The following IDO2 variants were observed in gnomAD, a reference collection of about 807,000 sequenced individuals.
IDO2 encodes indoleamine 2,3-dioxygenase-like 1 protein.
Under a neutral mutation model 45.1 loss-of-function variants are expected in IDO2, and 46 were observed. That is an observed-to-expected ratio of 1.02 (90% CI 0.80 to 1.30). The LOEUF is 1.30. IDO2 is among the 50% of genes most tolerant of loss of function. The pLI is 0.00. For missense variants in IDO2, 544 were observed against 491.8 expected, an observed-to-expected ratio of 1.11 and a Z score of -1.00; for synonymous variants, 218 against 184.9, an observed-to-expected ratio of 1.18 and a Z score of -1.45.
chr8:39,955,493 T>G (rs2129593568), intron 2 of IDO2, among the ~76,000 whole-genome samples: 1 of 152,078 alleles, frequency 6.6e-6, no homozygotes, highest in Admixed American at 6.6e-5. Flanking sequence ...TGACCTCAGG[T>G]GATCCACCTG....
intron 1 of IDO2, among the ~76,000 whole-genome samples, chr8:39,941,466 T>G (rs1807642140): frequency 6.6e-6 from 1 of 152,162 alleles, no homozygotes; most frequent in Non-Finnish European, 1.5e-5. Flanking sequence ...ATTTTGGACA[T>G]AATGCCAGGC....
At chr8:39,946,731 T>C (rs1396695014) in intron 1 of IDO2, among the ~76,000 whole-genome samples, 1 of 152,206 alleles carries the variant, frequency 6.6e-6, no homozygotes, top group African/African-American at 2.4e-5. Flanking sequence ...CTTTCTCTAT[T>C]GCAAATCCCC....
At position 40,005,301 on chromosome 8, in the gene IDO2, A is replaced by G. The variant is rs114717976; in HGVS notation, c.668-26A>G. The G allele has an allele frequency of 5.0e-5, 77 of 1,545,780 alleles. No homozygotes were observed. In the African/African-American group the frequency reaches 9.3e-4, roughly 19 times the overall value. On this transcript the variant is annotated intron_variant, in intron 8 of 10. Transcript: ENST00000502986. Reference sequence around the variant, plus strand: ...CAATTGCTTTCTTTGCCTGTAGTAAAGTTCACATTTTGATTGCTTCTCCAG... The same window carrying G: ...CAATTGCTTTCTTTGCCTGTAGTAAGGTTCACATTTTGATTGCTTCTCCAG...
rs1327192993 is a variant in IDO2 at position 39,963,727 on chromosome 8, T to C, written c.195+24T>C. The C allele has an allele frequency of 2.2e-6, 3 of 1,375,736 alleles. No individual in the cohort carries two copies. The Admixed American group carries it at 5.6e-5, about 26-fold the overall frequency. The allele number at this position is 1,375,736 out of a possible 1,614,324, so 85.2% of individuals were successfully genotyped here. A position where few individuals can be genotyped will look rare whatever the true frequency, so the allele number is the denominator to read the frequency against. The stretch of plus-strand genomic sequence containing the variant: ...AGGTATTCTTCTCTTCACCCCCTCA[T>C]CACATTCTGTTTTCATCATCATACC... On this transcript the variant is annotated intron_variant, in intron 3 of 10. Coordinates refer to ENST00000502986, the Ensembl canonical transcript of IDO2.
chr8:40,011,636 A>G (rs868396078), intron 9 of IDO2, among the ~76,000 whole-genome samples: 10 of 152,088 alleles, frequency 6.6e-5, no homozygotes, highest in African/African-American at 2.2e-4. Flanking sequence ...ATTCCCACTC[A>G]CTCTAAAGAA....
intron 3 of IDO2, among the ~76,000 whole-genome samples, chr8:39,971,018 C>A (rs889963130): frequency 6.6e-6 from 1 of 152,142 alleles, no homozygotes; most frequent in Non-Finnish European, 1.5e-5. Context: ...CCCCCCTTGG[C>A]CTCCCAAAGT....
At chr8:39,988,676 C>G (rs1808458389) in intron 7 of IDO2, among the ~76,000 whole-genome samples, 1 of 151,870 alleles carries the variant, frequency 6.6e-6, no homozygotes, top group African/African-American at 2.4e-5. Context: ...CTCAGCCTCC[C>G]AAAGTGCTGG....
intron 8 of IDO2, among the ~76,000 whole-genome samples, chr8:39,993,433 A>G (rs1801980877): frequency 1.3e-5 from 2 of 152,154 alleles, no homozygotes; most frequent in African/African-American, 4.8e-5. Flanking sequence ...TTCTTTTAGC[A>G]GTAATGAGGA....
At chr8:40,014,854 A>T (rs995144448) in intron 10 of IDO2, among the ~76,000 whole-genome samples, 1 of 152,186 alleles carries the variant, frequency 6.6e-6, no homozygotes, top group African/African-American at 2.4e-5. Context: ...TTCTTGTCTG[A>T]AAAAGCAGAG....
chr8:39,954,651 T>C (rs868535028), intron 2 of IDO2, among the ~76,000 whole-genome samples: 12 of 132,100 alleles, frequency 9.1e-5, no homozygotes, highest in African/African-American at 1.1e-4. Context: ...CTCTCTCTCT[T>C]TTTTTTTTTT....
Position 39,971,144 on chromosome 8 carries a change from G to A in IDO2, c.195+7441G>A, listed in dbSNP as rs145051617. On this transcript the variant is annotated intron_variant, in intron 3 of 10. Transcript: ENST00000502986. ...TCTCTTGTTAGGGGCTAGTGCAGCT[G>A]GTGACTTTAAGTTGAAGCCAGTGCT... Among the ~76,000 whole-genome samples the A allele has an allele frequency of 8.6e-3, 1,315 of 152,228 alleles. 21 individuals are homozygous for A. The highest frequency in any genetic ancestry group is 0.029 in the African/African-American group (1,193 of 41,530).
intron 4 of IDO2, among the ~76,000 whole-genome samples, chr8:39,980,379 C>A (rs1585409290): frequency 6.6e-6 from 1 of 152,094 alleles, no homozygotes; most frequent in African/African-American, 2.4e-5. Context: ...ACATTTACAA[C>A]ACTCATCTTT....
At chr8:39,956,403 T>A (rs1042573313) in intron 2 of IDO2, among the ~76,000 whole-genome samples, 4 of 152,204 alleles carry the variant, frequency 2.6e-5, no homozygotes, top group African/African-American at 9.6e-5. Context: ...CTGAAACAGA[T>A]CATCTATCCG....
chr8:39,962,037 C>T (rs993453756), intron 2 of IDO2, among the ~76,000 whole-genome samples: 2 of 152,178 alleles, frequency 1.3e-5, no homozygotes, highest in Non-Finnish European at 2.9e-5. Flanking sequence ...AATGTAAAAG[C>T]AACCATAGAT....
chr8:39,993,621 T>C lies in IDO2; in HGVS notation c.667+3783T>C, dbSNP rs147038330. On this transcript the variant is annotated intron_variant, in intron 8 of 10. Transcript: ENST00000502986. ...GTGAACTTATTTTGTCTAAACTCAA[T>C]TGGAAAGTAATTAACACTGAGATTC... Among the ~76,000 whole-genome samples, 58 of 152,314 alleles carry C rather than the reference T, an allele frequency of 3.8e-4. 1 individual carries two copies. The East Asian group carries it at 0.01, about 27-fold the overall frequency.
chr8:39,988,726 T>C (rs1309634971), intron 7 of IDO2, among the ~76,000 whole-genome samples: 1 of 152,042 alleles, frequency 6.6e-6, no homozygotes, highest in Non-Finnish European at 1.5e-5. Context: ...CAACACTACC[T>C]CCCTTGATAA....
chr8:39,986,871 T>TATTATTATTATTATC (rs1433936290), intron 6 of IDO2: 1 of 149,708 alleles, frequency 6.7e-6, no homozygotes, highest in Non-Finnish European at 1.5e-5. Flanking sequence ...ATCTCATTAT[T>TATTATTATTATTATC]ATTATTATTA....
chr8:39,988,677 A>G (rs917853882), intron 7 of IDO2, among the ~76,000 whole-genome samples: 2 of 151,584 alleles, frequency 1.3e-5, no homozygotes, highest in Admixed American at 1.3e-4. Flanking sequence ...TCAGCCTCCC[A>G]AAGTGCTGGG....
At chr8:39,988,155 A>G (rs915628960) in intron 7 of IDO2, among the ~76,000 whole-genome samples, 185 bp downstream of exon 7, 4 of 152,174 alleles carry the variant, frequency 2.6e-5, no homozygotes, top group African/African-American at 9.7e-5. Context: ...CTCAATTCCT[A>G]TAAAACTCGG....
Sources: gnomAD v4.1 joint callset for allele counts (sites outside exome capture counted in the v4.1 genomes callset) on GRCh38, gnomAD v4.1.1 for gene constraint, MANE v1.5 for transcripts, NCBI Gene and HGNC (gene_info 2026-07-23, HGNC 2026-07-21) for gene names.